The following CADPS variants were observed in gnomAD, a reference collection of about 807,000 sequenced individuals.
CADPS encodes calcium dependent secretion activator.
CADPS carries 57 observed loss-of-function variants against 167.3 expected under a neutral mutation model. The observed-to-expected ratio is 0.34, with a 90% CI of 0.28 to 0.42. CADPS has a LOEUF of 0.42. Ranked by LOEUF, CADPS falls within the 20% of genes least tolerant of loss-of-function variation. CADPS has a pLI of 1.00. For synonymous variants in CADPS, 676 were observed against 635.3 expected (o/e 1.06, Z -0.96); for missense variants, 1,414 against 1,738.1 (o/e 0.81, Z 3.32).
chr3:62,488,119 CA>C (rs1278931396), intron 21 of CADPS, among the ~76,000 whole-genome samples: 1 of 152,156 alleles, frequency 6.6e-6, no homozygotes, highest in Non-Finnish European at 1.5e-5. Flanking sequence ...AAAGACTGAG[CA>C]AACTAAATCT....
intron 6 of CADPS, among the ~76,000 whole-genome samples, chr3:62,604,512 G>T (rs556590802): frequency 6.6e-6 from 1 of 152,188 alleles, no homozygotes; most frequent in Non-Finnish European, 1.5e-5. Context: ...TTCATTGAAG[G>T]TTGACTCATA....
intron 1 of CADPS, among the ~76,000 whole-genome samples, chr3:62,824,993 C>G (rs1489473549): frequency 6.6e-6 from 1 of 152,122 alleles, no homozygotes; most frequent in Non-Finnish European, 1.5e-5. Flanking sequence ...ATATCCAGGA[C>G]AAAGCCCCTA....
chr3:62,664,268 A>G (rs1252007605), intron 3 of CADPS, among the ~76,000 whole-genome samples: 1 of 152,224 alleles, frequency 6.6e-6, no homozygotes, highest in Admixed American at 6.5e-5. Flanking sequence ...GGCCTCCCAA[A>G]GTACTAGGAT....
chr3:62,536,976 A>C (rs748194891), intron 11 of CADPS, among the ~76,000 whole-genome samples: 1 of 152,130 alleles, frequency 6.6e-6, no homozygotes, highest in Non-Finnish European at 1.5e-5. Flanking sequence ...TCCAGTGGTT[A>C]TGTCTACAGC....
chr3:62,449,410 C>G (rs941564653), intron 26 of CADPS, among the ~76,000 whole-genome samples: 3 of 152,214 alleles, frequency 2.0e-5, no homozygotes, highest in African/African-American at 7.2e-5. Flanking sequence ...ATAAATGTAG[C>G]AGAGCGGAGA....
At chr3:62,488,254 A>G (rs1232057156) in intron 21 of CADPS, among the ~76,000 whole-genome samples, 6 of 152,208 alleles carry the variant, frequency 3.9e-5, no homozygotes, top group Non-Finnish European at 8.8e-5. Context: ...CAACCCACCA[A>G]TAAGTAGTCA....
intron 4 of CADPS, among the ~76,000 whole-genome samples, chr3:62,660,788 A>AT (rs1355346332): frequency 6.6e-6 from 1 of 152,102 alleles, no homozygotes; most frequent in Non-Finnish European, 1.5e-5. Flanking sequence ...TTCTTCATGG[A>AT]TTTTTTTGGT....
chr3:62,536,389 T>C (rs1461586077), intron 12 of CADPS, 56 bp downstream of exon 12: 10 of 1,490,080 alleles, frequency 6.7e-6, no homozygotes, highest in South Asian at 5.9e-5. Context: ...TAGAGAAATA[T>C]TTAAATGAAA....
chr3:62,873,371 TCA>T (rs1380879573), intron 1 of CADPS, among the ~76,000 whole-genome samples: 1 of 152,254 alleles, frequency 6.6e-6, no homozygotes, highest in African/African-American at 2.4e-5. Context: ...GACACTAGTC[TCA>T]CAGTCTTGAT....
chr3:62,701,913 T>G lies in CADPS; in HGVS notation c.889-39519A>C, dbSNP rs115365593. 3.9e-3 allele frequency among the ~76,000 whole-genome samples: 593 copies of G among 152,288 alleles called. 7 individuals are homozygous for G. The highest frequency in any genetic ancestry group is 0.013 in the African/African-American group (555 of 41,542). On this transcript the variant is annotated intron_variant, in intron 3 of 29. Coordinates refer to ENST00000383710, the MANE Select transcript of CADPS (RefSeq NM_003716.4). ...GAGTCATGCAAGAAACTGCTTTTCC[T>G]TTTATTCCTAAGCAGATAGCTATAG...
rs532776778 is a variant in CADPS at position 62,535,843 on chromosome 3, T to C, written c.2103+602A>G. On this transcript the variant is annotated intron_variant, in intron 12 of 29. Coordinates refer to ENST00000383710, the MANE Select transcript of CADPS (RefSeq NM_003716.4). The stretch of plus-strand genomic sequence containing the variant: ...CTTTAAAATAGGATTTCAGGAAATA[T>C]TGATACTCCTGCTGGATAGATAGCT... 6.1e-4 allele frequency among the ~76,000 whole-genome samples: 93 copies of C among 152,182 alleles called. No homozygotes were observed. In the South Asian group the frequency reaches 0.013, roughly 21 times the overall value.
chr3:62,804,748 C>T (rs910951217), intron 1 of CADPS, among the ~76,000 whole-genome samples: 3 of 152,022 alleles, frequency 2.0e-5, no homozygotes, highest in Non-Finnish European at 2.9e-5. Context: ...CAGATTACAA[C>T]GTATCACAGT....
At chr3:62,816,407 A>C (rs961531994) in intron 1 of CADPS, among the ~76,000 whole-genome samples, 1 of 152,138 alleles carries the variant, frequency 6.6e-6, no homozygotes, top group African/African-American at 2.4e-5. Context: ...TCCCCCACCC[A>C]GGAAAGTAAC....
At chr3:62,704,436 G>A (rs13082233) in intron 3 of CADPS, among the ~76,000 whole-genome samples, 12,037 of 152,066 alleles carry the variant, frequency 0.079, 631 homozygotes, top group Non-Finnish European at 0.12. Context: ...GCTCACATAC[G>A]ATTTAATGAT....
intron 2 of CADPS, among the ~76,000 whole-genome samples, chr3:62,759,102 G>A (rs1289540002): frequency 2.0e-5 from 3 of 152,194 alleles, no homozygotes; most frequent in Admixed American, 6.5e-5. Flanking sequence ...AGACATCATG[G>A]TTAGGAGGAT....
At chr3:62,459,659 C>A (rs2059103371) in intron 26 of CADPS, among the ~76,000 whole-genome samples, 1 of 152,220 alleles carries the variant, frequency 6.6e-6, no homozygotes, top group Non-Finnish European at 1.5e-5. Context: ...ACTGCACTGG[C>A]TACTCTCTCT....
At chr3:62,634,516 A>T (rs1040024968) in intron 6 of CADPS, among the ~76,000 whole-genome samples, 1 of 152,202 alleles carries the variant, frequency 6.6e-6, no homozygotes, top group African/African-American at 2.4e-5. Flanking sequence ...GATTTTAACA[A>T]TAAGTCAGAA....
chr3:62,694,601 A>G (rs544945386), intron 3 of CADPS, among the ~76,000 whole-genome samples: 4 of 152,074 alleles, frequency 2.6e-5, no homozygotes, highest in Admixed American at 6.5e-5. Flanking sequence ...CTTGGTGTAC[A>G]ATGCTTCTAC....
chr3:62,787,369 A>T (rs1169025028), intron 1 of CADPS, among the ~76,000 whole-genome samples: 1 of 152,148 alleles, frequency 6.6e-6, no homozygotes, highest in East Asian at 1.9e-4. Flanking sequence ...TGAAACAAAA[A>T]TTTTCAAAAA....
Sources: gnomAD v4.1 joint callset for allele counts (sites outside exome capture counted in the v4.1 genomes callset) on GRCh38, gnomAD v4.1.1 for gene constraint, MANE v1.5 for transcripts, NCBI Gene and HGNC (gene_info 2026-07-23, HGNC 2026-07-21) for gene names.